Variants in RFLNA observed in about 807,000 individuals in gnomAD.
The protein encoded by RFLNA is refilin-A.
In RFLNA, 5 loss-of-function variants were observed where a neutral mutation model predicts 7.8. That is an observed-to-expected ratio of 0.64 (90% CI 0.34 to 1.35). The LOEUF (loss-of-function observed/expected upper bound fraction) is 1.35, where lower values mean the gene tolerates loss of function less well. Among genes scored for constraint, RFLNA ranks in the 40% most tolerant of loss-of-function variants. The pLI is 0.04. For missense variants in RFLNA, 278 were observed against 305.5 expected (o/e 0.91, Z 0.67); for synonymous variants, 141 against 131.3 (o/e 1.07, Z -0.50).
At chr12:124,309,479 G>A (rs1457269636) in intron 1 of RFLNA, among the ~76,000 whole-genome samples, 2 of 152,212 alleles carry the variant, frequency 1.3e-5, no homozygotes, top group African/African-American at 4.8e-5. Context: ...TGAACGAAAG[G>A]CGTTCTGCTG....
chr12:124,303,010 T>C lies in RFLNA; in HGVS notation c.207+7374T>C, dbSNP rs1034908717. Among the ~76,000 whole-genome samples, 12 of 152,304 alleles carry C rather than the reference T, an allele frequency of 7.9e-5. No individual in the cohort carries two copies. In the East Asian group the frequency reaches 2.3e-3, roughly 29 times the overall value. On this transcript the variant is annotated intron_variant, in intron 1 of 2. Transcript: ENST00000546355. ...AGGGGGGGCTCTGGGTACCTCCTCC[T>C]GCCTCCCACTCCTGCACTGATGGGC...
At chr12:124,299,300 G>A (rs1026357738) in intron 1 of RFLNA, among the ~76,000 whole-genome samples, 3 of 152,262 alleles carry the variant, frequency 2.0e-5, no homozygotes, top group Non-Finnish European at 2.9e-5. Flanking sequence ...GGGCCTGGTG[G>A]CAGAGGAGAT....
At chr12:124,309,752 C>G (rs1269611034) in intron 1 of RFLNA, among the ~76,000 whole-genome samples, 2 of 152,324 alleles carry the variant, frequency 1.3e-5, no homozygotes, top group Non-Finnish European at 1.5e-5. Flanking sequence ...TCATAACATC[C>G]CCAATCTCAA....
At chr12:124,293,166 A>T (rs2033849199), upstream of RFLNA, among the ~76,000 whole-genome samples, 1 of 152,154 alleles carries the variant, frequency 6.6e-6, no homozygotes, top group African/African-American at 2.4e-5. Context: ...ACCTCAGGGG[A>T]TCCACCCGCC....
At chr12:124,290,467 ATG>A (rs2033805431), upstream of RFLNA, among the ~76,000 whole-genome samples, 1 of 149,124 alleles carries the variant, frequency 6.7e-6, no homozygotes, top group African/African-American at 2.6e-5. The surrounding 1 kb of genome is among the most constrained non-coding windows in gnomAD (Gnocchi z 4.0). Context: ...TATTTGTGTT[ATG>A]TGTGTGCTTG....
intron 1 of RFLNA, among the ~76,000 whole-genome samples, chr12:124,302,813 G>GGGGCCGAGGTCAGGGGCCAAGGTCAGA (rs2034065269): frequency 5.9e-5 from 4 of 68,336 alleles, no homozygotes; most frequent in Non-Finnish European, 1.0e-4. Flanking sequence ...GCTGAGGTCA[G>GGGGCCGAGGTCAGGGGCCAAGGTCAGA]GGGCCGAGGT....
At position 124,299,650 on chromosome 12, in the gene RFLNA, C is replaced by T. The variant is rs2033991974; in HGVS notation, c.207+4014C>T. Among the ~76,000 whole-genome samples the T allele has an allele frequency of 1.3e-5, 2 of 152,224 alleles. 1 individual carries two copies. Among genetic ancestry groups the T allele is most frequent in the Admixed American group, 1.3e-4 (2 of 15,282 alleles). On this transcript the variant is annotated intron_variant, in intron 1 of 2. Transcript: ENST00000546355. ...TTACTTCACTTAGAATAATGGTCTC[C>T]AATTCCATCCAGGTTGCTTCAAATG...
At position 124,306,959 on chromosome 12, in the gene RFLNA, C is replaced by T. The variant is rs1004999162; in HGVS notation, c.208-4859C>T. Among the ~76,000 whole-genome samples the T allele has an allele frequency of 2.0e-5, 3 of 152,140 alleles. No homozygotes were observed. The highest frequency in any genetic ancestry group is 1.9e-4 in the East Asian group (1 of 5,174). ...CCATGGTTATAGGCTTGGCCCTCTG[C>T]GGCCCAGGCACGAGCACCAGTCTGG... On this transcript the variant is annotated intron_variant, in intron 1 of 2. Transcript: ENST00000546355. This position sits in a 1 kb window ranked among gnomAD's most constrained non-coding sequence, Gnocchi z 5.2.
intron 1 of RFLNA, among the ~76,000 whole-genome samples, chr12:124,296,072 T>C (rs373177011): frequency 5.3e-5 from 5 of 94,720 alleles, no homozygotes; most frequent in South Asian, 3.9e-4. Flanking sequence ...TGTGAAAGCC[T>C]TTTCTTTCTT....
intron 1 of RFLNA, among the ~76,000 whole-genome samples, chr12:124,308,436 G>C (rs1184066475): frequency 6.6e-6 from 1 of 152,054 alleles, no homozygotes; most frequent in Admixed American, 6.5e-5. Context: ...GGCTTTGGGG[G>C]GGGACCCTGT....
chr12:124,294,504 G>C (rs574928948), upstream of RFLNA, among the ~76,000 whole-genome samples: 9 of 152,192 alleles, frequency 5.9e-5, no homozygotes, highest in Non-Finnish European at 7.3e-5. Flanking sequence ...GGGAAAGACC[G>C]GCAGGACCCT....
chr12:124,302,992 GC>G (rs1053732713), intron 1 of RFLNA, among the ~76,000 whole-genome samples: 13 of 152,276 alleles, frequency 8.5e-5, no homozygotes, highest in South Asian at 2.1e-4. Flanking sequence ...GGGAGGGGGG[GC>G]TCTGGGTACC....
rs758959424 is a variant in RFLNA, at chr12:124,311,915, C to T, written c.305C>T (p.Thr102Met). The change falls in exon 2 of 3, where the codon ACG becomes ATG. Residue 102 changes from threonine to methionine, a missense_variant. By Grantham distance (81) the Thr-to-Met change is moderately conservative. Transcript: ENST00000546355. ...GESIKVNPEPTHEIRCNSEVK... is the reference protein window; with the variant it reads ...GESIKVNPEPMHEIRCNSEVK... ...AGCATCAAGGTGAACCCGGAACCCA[C>T]GCATGAGATCCGGTGAGTGGGCCAC... is the stretch of plus-strand genomic sequence containing the variant. 25 of 1,583,104 alleles carry T rather than the reference C, an allele frequency of 1.6e-5. No homozygotes were observed. The highest frequency in any genetic ancestry group is 8.0e-5 in the South Asian group (7 of 87,286).
In RFLNA at chr12:124,295,342, TC is replaced by T; in HGVS notation, c.-87del. 3.8e-6 allele frequency: 3 copies of T among 779,876 alleles called. No individual in the cohort carries two copies. The highest frequency in any genetic ancestry group is 5.1e-6 in the Non-Finnish European group (3 of 586,524). The allele number at this position is 779,876 out of a possible 1,614,324, so 48.3% of individuals were successfully genotyped here. ...CCGCAGGTCCCCGGGCGCGCAGCTC[TC>T]GCCCCGCCGCCGCCTGCCCCGGGCC... On this transcript the variant is annotated 5_prime_UTR_variant, in exon 1 of 3. Transcript: ENST00000546355.
upstream of RFLNA, among the ~76,000 whole-genome samples, chr12:124,293,859 A>G (rs2033859516): frequency 6.6e-6 from 1 of 152,144 alleles, no homozygotes; most frequent in African/African-American, 2.4e-5. Flanking sequence ...CTGCTTGGCT[A>G]TTCAGATCTT....
chr12:124,313,054 A>G (rs2034281597), intron 2 of RFLNA, among the ~76,000 whole-genome samples: 3 of 152,178 alleles, frequency 2.0e-5, no homozygotes, highest in Admixed American at 2.0e-4. Context: ...CAGGAGACAA[A>G]CGAGTCCACT....
chr12:124,298,401 A>G (rs984701878), intron 1 of RFLNA, among the ~76,000 whole-genome samples: 1 of 152,090 alleles, frequency 6.6e-6, no homozygotes, highest in Non-Finnish European at 1.5e-5. Flanking sequence ...TCCCCAAGAC[A>G]TCAAAGGCCC....
chr12:124,308,924 C>T (rs921670672), intron 1 of RFLNA, among the ~76,000 whole-genome samples: 40 of 152,348 alleles, frequency 2.6e-4, no homozygotes, highest in Admixed American at 6.5e-4. Context: ...GGATCTACCC[C>T]GGCCAGTGCG....
chr12:124,310,180 A>AAAAAAAAAAAAAAAAAG (rs2034215145), intron 1 of RFLNA, among the ~76,000 whole-genome samples: 1 of 142,468 alleles, frequency 7.0e-6, no homozygotes, highest in Non-Finnish European at 1.5e-5. Context: ...CTCAAAAAAA[A>AAAAAAAAAAAAAAAAAG]AAAAAAAAAA....
Sources: gnomAD v4.1 joint callset for allele counts (sites outside exome capture counted in the v4.1 genomes callset) on GRCh38, gnomAD v4.1.1 for gene constraint, Gnocchi (gnomAD v3.1) non-coding constraint, MANE v1.5 for transcripts, NCBI Gene and HGNC (gene_info 2026-07-23, HGNC 2026-07-21) for gene names.